PRRC2C: variants seen among roughly 807,000 people sequenced by gnomAD.
The protein encoded by PRRC2C is protein PRRC2C.
Under a neutral mutation model 317.2 loss-of-function variants are expected in PRRC2C, and 72 were observed. The observed-to-expected ratio is 0.23, with a 90% confidence interval of 0.19 to 0.28. The LOEUF is 0.28. PRRC2C is among the 10% of genes least tolerant of loss of function. PRRC2C has a pLI of 1.00. For synonymous variants in PRRC2C, 1,296 were observed against 1,205.9 expected (o/e 1.07, Z -1.55); for missense variants, 3,074 against 3,459.7 (o/e 0.89, Z 2.80).
intron 11 of PRRC2C, 56 bp from the exon 12 acceptor site, chr1:171,532,287 C>G: frequency 6.6e-7 from 1 of 1,513,450 alleles, no homozygotes; most frequent in Non-Finnish European, 8.8e-7. Context: ...TGCCTGATAC[C>G]CAGTGTTAGT....
intron 5 of PRRC2C, among the ~76,000 whole-genome samples, chr1:171,516,324 C>T (rs1026669131): frequency 2.0e-5 from 3 of 152,030 alleles, no homozygotes; most frequent in Non-Finnish European, 2.9e-5. Context: ...GTAAAATGTT[C>T]GAGGGATTTT....
chr1:171,541,324 C>T lies in PRRC2C; in HGVS notation c.3858C>T (p.Gly1286=). Residue 1286 remains glycine, a synonymous_variant, in exon 16 of 35, where the codon GGC becomes GGT. Transcript: ENST00000647382. This position sits in a 1 kb window ranked among gnomAD's most constrained non-coding sequence, Gnocchi z 4.1. ...GTGACAAGGACAGTTTAAGTAAAGGCAAACTTCCCAAAAGAGAGGAACGGC... is the reference window on the plus strand; with the variant it reads ...GTGACAAGGACAGTTTAAGTAAAGGTAAACTTCCCAAAAGAGAGGAACGGC... The part of the protein sequence containing the change: ...SASDKDSLSK[G]KLPKREERPE... 1 of 1,613,596 alleles carries T rather than the reference C, an allele frequency of 6.2e-7. No homozygotes were observed. Among genetic ancestry groups the T allele is most frequent in the Non-Finnish European group, 8.5e-7 (1 of 1,179,794 alleles).
intron 2 of PRRC2C, chr1:171,512,563 G>GTA (rs1671577854): frequency 7.3e-6 from 2 of 273,760 alleles, no homozygotes; most frequent in Non-Finnish European, 1.4e-5. Context: ...TATGTTTCGT[G>GTA]TGTGGGGGTG....
intron 1 of PRRC2C, among the ~76,000 whole-genome samples, chr1:171,503,963 C>T (rs573266317): frequency 3.3e-5 from 5 of 152,104 alleles, no homozygotes; most frequent in African/African-American, 4.8e-5. Flanking sequence ...AGGAAAAACC[C>T]GTCCCCATGA....
At position 171,557,974 on chromosome 1, in the gene PRRC2C, A is replaced by G; in HGVS notation, c.5862A>G (p.Lys1954=). The G allele has an allele frequency of 1.2e-6, 2 of 1,613,432 alleles. No individual in the cohort carries two copies. Among genetic ancestry groups the G allele is most frequent in the Non-Finnish European group, 1.7e-6 (2 of 1,179,678 alleles). ...NPLQTTSQSS[K]QPPPSIRLPS... ...TACAGACTACATCTCAGTCTTCAAA[A>G]CAACCACCACCATCAATTAGGCTGC... Residue 1954 remains lysine (K), a synonymous_variant, in exon 19 of 35, where the codon AAA becomes AAG. Transcript: ENST00000647382.
intron 18 of PRRC2C, among the ~76,000 whole-genome samples, chr1:171,556,547 C>T (rs1336645579): frequency 6.6e-6 from 1 of 152,228 alleles, no homozygotes; most frequent in Non-Finnish European, 1.5e-5. Flanking sequence ...TCCTATTCAG[C>T]TGTCTTGGAA....
chr1:171,545,129 G>A (rs1678821605), intron 16 of PRRC2C, among the ~76,000 whole-genome samples: 1 of 152,052 alleles, frequency 6.6e-6, no homozygotes, highest in Non-Finnish European at 1.5e-5. Context: ...GCATCCATTT[G>A]TGAATACTTT....
intron 32 of PRRC2C, 26 bp downstream of exon 32, chr1:171,587,777 A>G (rs781068576): frequency 2.2e-5 from 33 of 1,521,772 alleles, no homozygotes; most frequent in Non-Finnish European, 2.9e-5. Flanking sequence ...AAATTTGCTT[A>G]TGAAATTCCA....
chr1:171,503,492 C>T (rs1669568067), intron 1 of PRRC2C, among the ~76,000 whole-genome samples: 1 of 151,736 alleles, frequency 6.6e-6, no homozygotes, highest in South Asian at 2.1e-4. Context: ...CCACTGCACT[C>T]CAGCTTGAGC....
intron 6 of PRRC2C, among the ~76,000 whole-genome samples, chr1:171,518,330 A>G (rs977165902): frequency 6.6e-6 from 1 of 152,140 alleles, no homozygotes; most frequent in Non-Finnish European, 1.5e-5. Context: ...TACATTATGC[A>G]TTTAAAATGT....
At chr1:171,581,326 T>C (rs767390174) in intron 28 of PRRC2C, among the ~76,000 whole-genome samples, 8 of 152,230 alleles carry the variant, frequency 5.3e-5, no homozygotes, top group Non-Finnish European at 8.8e-5. Context: ...TTAAATTGTA[T>C]TGGCTGCTTG....
chr1:171,508,063 C>G (rs977428258), intron 1 of PRRC2C, among the ~76,000 whole-genome samples: 4 of 152,244 alleles, frequency 2.6e-5, no homozygotes, highest in Non-Finnish European at 4.4e-5. Context: ...TTAGAGTTTT[C>G]TACTTAAAAG....
chr1:171,542,762 T>G (rs1259382723), intron 16 of PRRC2C, among the ~76,000 whole-genome samples: 2 of 151,968 alleles, frequency 1.3e-5, no homozygotes, highest in Non-Finnish European at 2.9e-5. Context: ...CTTGGCCTGT[T>G]TTTTGTTGTT....
At chr1:171,519,712 A>G (rs781055876) in intron 6 of PRRC2C, among the ~76,000 whole-genome samples, 5 of 152,220 alleles carry the variant, frequency 3.3e-5, no homozygotes, top group Non-Finnish European at 5.9e-5. Context: ...CTCATAGGAA[A>G]CAAAAATCTA....
chr1:171,512,449 C>A lies in PRRC2C; in HGVS notation c.112+249C>A. On this transcript the variant is annotated intron_variant, in intron 2 of 34. Coordinates refer to ENST00000647382, the MANE Select transcript of PRRC2C (RefSeq NM_001387844.1). ...TGTTGTCAGCAGAAAAAAGGTAGAA[C>A]TGTGTGGCTCTAAAGGGGAAACTCA... The A allele has an allele frequency of 2.6e-6, 1 of 384,774 alleles. No homozygotes were observed. The highest frequency in any genetic ancestry group is 5.0e-6 in the Non-Finnish European group (1 of 200,670). The allele number at this position is 384,774 out of a possible 1,614,324, so 23.8% of individuals were successfully genotyped here.
At chr1:171,566,503 A>T (rs1683695028) in intron 21 of PRRC2C, 82 bp downstream of exon 21, 1 of 1,478,768 alleles carries the variant, frequency 6.8e-7, no homozygotes, top group Admixed American at 2.6e-5. Flanking sequence ...AAGTGAACTT[A>T]ATTTTAATGA....
chr1:171,522,416 G>A (rs2102341942), intron 7 of PRRC2C, 157 bp downstream of exon 7: 1 of 412,684 alleles, frequency 2.4e-6, no homozygotes, highest in East Asian at 3.8e-5. Flanking sequence ...ACTCTTATAA[G>A]ACAGAACAGA....
At chr1:171,582,712 G>A (rs1648918163) in intron 28 of PRRC2C, among the ~76,000 whole-genome samples, 1 of 151,936 alleles carries the variant, frequency 6.6e-6, no homozygotes, top group Admixed American at 6.6e-5. Context: ...GATTAAAAAT[G>A]GTACGTACCA....
At chr1:171,513,844 T>C (rs1671824116) in intron 3 of PRRC2C, among the ~76,000 whole-genome samples, 1 of 152,256 alleles carries the variant, frequency 6.6e-6, no homozygotes, top group African/African-American at 2.4e-5. Context: ...TGACTACTTC[T>C]GTAGTAATGT....
Sources: allele counts gnomAD v4.1 joint callset (sites outside exome capture counted in the v4.1 genomes callset), GRCh38; gene constraint gnomAD v4.1.1; non-coding constraint Gnocchi (gnomAD v3.1); transcripts MANE v1.5; gene names NCBI Gene and HGNC (gene_info 2026-07-23, HGNC 2026-07-21).